Variants in CTNNA2 observed in about 807,000 individuals in gnomAD.
CTNNA2 encodes catenin alpha-2.
A neutral mutation model predicts 101.0 loss-of-function variants in CTNNA2; 42 were observed. The observed-to-expected ratio is 0.42, with a 90% CI of 0.32 to 0.54. CTNNA2 has a LOEUF of 0.54. Among genes scored for constraint, CTNNA2 ranks in the 20% least tolerant of loss-of-function variants. The pLI is 0.14. For synonymous variants in CTNNA2, 450 were observed against 456.4 expected (o/e 0.99, Z 0.18); for missense variants, 871 against 1,223.1 (o/e 0.71, Z 4.29).
At chr2:79,919,032 G>A (rs1211666105) in intron 7 of CTNNA2, among the ~76,000 whole-genome samples, 3 of 152,204 alleles carry the variant, frequency 2.0e-5, no homozygotes, top group Non-Finnish European at 2.9e-5. Context: ...GGGAGTTGTG[G>A]TGCTAGAGGG....
intron 2 of CTNNA2, among the ~76,000 whole-genome samples, chr2:79,245,775 T>G (rs994874134): frequency 2.0e-4 from 30 of 152,212 alleles, no homozygotes; most frequent in Admixed American, 7.2e-4. Flanking sequence ...TCCTGCATTG[T>G]CTGGTCCCAG....
intron 2 of CTNNA2, among the ~76,000 whole-genome samples, chr2:79,264,522 A>C (rs114444230): frequency 6.6e-6 from 1 of 152,290 alleles, no homozygotes; most frequent in Non-Finnish European, 1.5e-5. Flanking sequence ...GGCATTAAAA[A>C]GAAAACTGAA....
At chr2:80,513,205 A>T (rs17019259) in intron 9 of CTNNA2, among the ~76,000 whole-genome samples, 54,440 of 152,082 alleles carry the variant, frequency 0.36, 10,606 homozygotes, top group Non-Finnish European at 0.43. Context: ...AACTATTAAG[A>T]TCCCATTAGC....
intron 18 of CTNNA2, among the ~76,000 whole-genome samples, chr2:80,631,027 A>G (rs1004534387): frequency 1.3e-5 from 2 of 152,162 alleles, no homozygotes; most frequent in African/African-American, 2.4e-5. Flanking sequence ...TAATTGAAGA[A>G]TTTTTCCTGG....
At chr2:79,766,167 C>T (rs1673140141) in intron 3 of CTNNA2, among the ~76,000 whole-genome samples, 1 of 152,120 alleles carries the variant, frequency 6.6e-6, no homozygotes, top group African/African-American at 2.4e-5. Context: ...AGGTCCTTTT[C>T]TTTCTTATTG....
rs112306719 is a variant in CTNNA2 at position 80,329,993 on chromosome 2, C to T, written c.1057-63218C>T. On this transcript the variant is annotated intron_variant, in intron 7 of 18. Coordinates refer to ENST00000402739, the MANE Select transcript of CTNNA2 (RefSeq NM_001282597.3). ...GTACCCACTGGCATTTTCAAGGTGC[C>T]CTGCACCCCTTCCTGCCATGTCCTT... Among the ~76,000 whole-genome samples, 79 of 152,366 alleles carry T rather than the reference C, an allele frequency of 5.2e-4. 1 individual carries two copies. Among genetic ancestry groups the T allele is most frequent in the African/African-American group, 1.8e-3 (73 of 41,586 alleles).
intron 4 of CTNNA2, among the ~76,000 whole-genome samples, chr2:79,489,908 C>T (rs1339812161): frequency 6.6e-6 from 1 of 152,170 alleles, no homozygotes; most frequent in Non-Finnish European, 1.5e-5. Flanking sequence ...CTAGGTCCTA[C>T]TTCTCTTGGC....
chr2:79,691,188 T>C (rs1285014235), intron 2 of CTNNA2, among the ~76,000 whole-genome samples: 1 of 152,026 alleles, frequency 6.6e-6, no homozygotes, highest in Non-Finnish European at 1.5e-5. Context: ...TAAAAAAGTG[T>C]GGTCATACAG....
At chr2:80,536,900 T>G (rs890345958) in intron 9 of CTNNA2, among the ~76,000 whole-genome samples, 1 of 152,226 alleles carries the variant, frequency 6.6e-6, no homozygotes, top group African/African-American at 2.4e-5. Context: ...ACATCTTGCC[T>G]TTTTAAATGG....
intron 1 of CTNNA2, among the ~76,000 whole-genome samples, chr2:79,515,653 TA>T (rs1482033486): frequency 6.6e-6 from 1 of 152,220 alleles, no homozygotes; most frequent in African/African-American, 2.4e-5. Flanking sequence ...AGCAAAATTT[TA>T]AGAGAGATGA....
chr2:80,191,544 C>T (rs908773997), intron 7 of CTNNA2, among the ~76,000 whole-genome samples: 25 of 152,142 alleles, frequency 1.6e-4, no homozygotes, highest in Non-Finnish European at 2.9e-5. Context: ...CCTTTTTCTT[C>T]ACTCCTCACT....
intron 4 of CTNNA2, among the ~76,000 whole-genome samples, chr2:79,393,039 C>A (rs1678192246): frequency 6.6e-6 from 1 of 152,196 alleles, no homozygotes; most frequent in Non-Finnish European, 1.5e-5. Flanking sequence ...TTTTGAACTA[C>A]AGCAGGGAGA....
intron 9 of CTNNA2, among the ~76,000 whole-genome samples, chr2:80,487,932 T>G (rs1686728946): frequency 6.6e-6 from 1 of 152,200 alleles, no homozygotes; most frequent in East Asian, 1.9e-4. Flanking sequence ...CAATTTTAGT[T>G]GTGCTAATTT....
chr2:80,461,949 G>C (rs1374597327), intron 9 of CTNNA2, among the ~76,000 whole-genome samples: 1 of 152,198 alleles, frequency 6.6e-6, no homozygotes, highest in Non-Finnish European at 1.5e-5. Context: ...TGGGCTTTGT[G>C]CTCAGCCCCC....
intron 3 of CTNNA2, among the ~76,000 whole-genome samples, chr2:79,772,082 TG>T (rs1383821249): frequency 1.3e-5 from 2 of 149,960 alleles, no homozygotes; most frequent in Non-Finnish European, 3.0e-5. Context: ...TGCTATAGAA[TG>T]GACTTCTGAA....
chr2:80,121,507 G>T (rs1701829332), intron 7 of CTNNA2, among the ~76,000 whole-genome samples: 1 of 152,160 alleles, frequency 6.6e-6, no homozygotes, highest in African/African-American at 2.4e-5. Flanking sequence ...TTGGGAGGCA[G>T]TTTTCCATAG....
At chr2:80,069,098 T>C (rs1296830328) in intron 7 of CTNNA2, among the ~76,000 whole-genome samples, 1 of 152,154 alleles carries the variant, frequency 6.6e-6, no homozygotes. Flanking sequence ...TGGGGGCAAC[T>C]GAAAAGCATT....
intron 7 of CTNNA2, among the ~76,000 whole-genome samples, chr2:80,332,180 G>A (rs1344860210): frequency 6.6e-6 from 1 of 152,162 alleles, no homozygotes; most frequent in Non-Finnish European, 1.5e-5. Context: ...ATTGAACAGT[G>A]TTTCTCCTTA....
At chr2:80,170,060 AG>A (rs1704946395) in intron 7 of CTNNA2, among the ~76,000 whole-genome samples, 2 of 152,218 alleles carry the variant, frequency 1.3e-5, no homozygotes, top group Non-Finnish European at 2.9e-5. Context: ...TTATCAAGTA[AG>A]GGCAATTCAT....
Sources: allele counts gnomAD v4.1 joint callset (sites outside exome capture counted in the v4.1 genomes callset), GRCh38; gene constraint gnomAD v4.1.1; transcripts MANE v1.5; gene names NCBI Gene and HGNC (gene_info 2026-07-23, HGNC 2026-07-21).